Variants in AMMECR1 observed in about 807,000 individuals in gnomAD.
The protein encoded by AMMECR1 is nuclear protein AMMECR1.
In AMMECR1, 3 loss-of-function variants were observed where a neutral mutation model predicts 22.5. That is an observed-to-expected ratio of 0.13 (90% confidence interval 0.06 to 0.35). The LOEUF (loss-of-function observed/expected upper bound fraction) is 0.35. AMMECR1 is among the 10% of genes least tolerant of loss of function. AMMECR1 has a pLI of 1.00. For missense variants in AMMECR1, 235 were observed against 278.7 expected (o/e 0.84, Z 1.12); for synonymous variants, 130 against 116.7 (o/e 1.11, Z -0.74).
rs751906427 is a variant in AMMECR1 at position 110,310,374 on chromosome X, G to GT, written c.473+7224dup. ...TACTTCTGCCAAGCAACCAGAATTT[G>GT]TTTTTTTTTTTCCTGCAGTGCCTCT... On this transcript the variant is annotated intron_variant, in intron 1 of 5. Coordinates refer to ENST00000262844, the MANE Select transcript of AMMECR1 (RefSeq NM_015365.3). Among the ~76,000 whole-genome samples the GT allele has an allele frequency of 6.9e-3, 722 of 104,067 alleles. 4 individuals carry two copies. The highest frequency in any genetic ancestry group is 0.02 in the Middle Eastern group (4 of 201). 90.4% of individuals were successfully genotyped at this position (104,067 alleles called of 115,157 possible).
chrX:110,254,687 G>A (rs2067702025), intron 2 of AMMECR1, among the ~76,000 whole-genome samples: 1 of 111,722 alleles, frequency 9.0e-6, no homozygotes, highest in South Asian at 3.8e-4. Flanking sequence ...CATGAATTTA[G>A]GTTGACAGTC....
chrX:110,304,950 G>C (rs1286726784), intron 1 of AMMECR1, among the ~76,000 whole-genome samples: 1 of 112,127 alleles, frequency 8.9e-6, no homozygotes, highest in Non-Finnish European at 1.9e-5. Context: ...ATCCTATTTT[G>C]TCTGTAAAGC....
intron 2 of AMMECR1, among the ~76,000 whole-genome samples, chrX:110,357,996 A>G (rs1306622650): frequency 1.8e-5 from 2 of 111,759 alleles, no homozygotes; most frequent in African/African-American, 6.5e-5. Context: ...CATGAGGAGT[A>G]TCATTTCTAG....
At chrX:110,408,511 C>G (rs182078629) in intron 2 of AMMECR1, among the ~76,000 whole-genome samples, 4 of 112,472 alleles carry the variant, frequency 3.6e-5, no homozygotes, top group East Asian at 2.8e-4. Flanking sequence ...TTCTAATTAT[C>G]TAAACTTTTA....
chrX:110,438,054 CT>C (rs1285508490), intron 1 of AMMECR1, among the ~76,000 whole-genome samples: 1 of 111,760 alleles, frequency 8.9e-6, no homozygotes, highest in African/African-American at 3.3e-5. Flanking sequence ...AGAATAGAAT[CT>C]TCCCTTTCTG....
intron 2 of AMMECR1, among the ~76,000 whole-genome samples, chrX:110,256,642 A>G (rs2067712642): frequency 1.8e-5 from 2 of 111,371 alleles, no homozygotes; most frequent in African/African-American, 6.5e-5. Context: ...CGATGCAATA[A>G]GTGTTTAGCA....
chrX:110,371,107 A>AT (rs1207072995), intron 2 of AMMECR1, among the ~76,000 whole-genome samples: 1 of 111,473 alleles, frequency 9.0e-6, no homozygotes, highest in Admixed American at 9.5e-5. Context: ...AAAATAGACT[A>AT]TTTTTTAGAG....
intron 2 of AMMECR1, among the ~76,000 whole-genome samples, chrX:110,384,347 T>C (rs976909610): frequency 1.8e-5 from 2 of 111,151 alleles, no homozygotes; most frequent in Non-Finnish European, 3.8e-5. Context: ...AATTGTTGTA[T>C]GATCTCAATC....
chrX:110,208,720 T>C (rs767223308), intron 3 of AMMECR1, among the ~76,000 whole-genome samples: 22 of 111,935 alleles, frequency 2.0e-4, no homozygotes, highest in Non-Finnish European at 3.8e-4. Flanking sequence ...AAGAGGTGCT[T>C]TGAAAAACTC....
At chrX:110,338,691 G>A (rs2068150209) in intron 2 of AMMECR1, among the ~76,000 whole-genome samples, 1 of 111,850 alleles carries the variant, frequency 8.9e-6, no homozygotes, top group South Asian at 3.8e-4. Flanking sequence ...GGCAGGGGAG[G>A]TAAATCCACT....
At chrX:110,291,688 A>G (rs1393984115) in intron 1 of AMMECR1, among the ~76,000 whole-genome samples, 2 of 111,844 alleles carry the variant, frequency 1.8e-5, no homozygotes, top group Non-Finnish European at 3.8e-5. Context: ...ATGACAGTCC[A>G]TTATCCTGCA....
chrX:110,426,567 G>A (rs1350449131), intron 2 of AMMECR1: 2 of 112,177 alleles, frequency 1.8e-5, no homozygotes. Flanking sequence ...TTACCTATGC[G>A]TGAGACATGG....
intron 2 of AMMECR1, among the ~76,000 whole-genome samples, chrX:110,409,950 G>A (rs1350572838): frequency 8.9e-6 from 1 of 112,125 alleles, no homozygotes; most frequent in Non-Finnish European, 1.9e-5. Context: ...CAGGAATGCT[G>A]TTGAAATACA....
At chrX:110,344,693 C>T (rs1454574116) in intron 2 of AMMECR1, among the ~76,000 whole-genome samples, 5 of 111,454 alleles carry the variant, frequency 4.5e-5, no homozygotes, top group African/African-American at 1.6e-4. Context: ...AGGATATGAA[C>T]AGACACTTCT....
At chrX:110,339,136 C>T (rs970931908) in intron 2 of AMMECR1, among the ~76,000 whole-genome samples, 1 of 111,124 alleles carries the variant, frequency 9.0e-6, no homozygotes, top group Non-Finnish European at 1.9e-5. Flanking sequence ...TCGTGACAAG[C>T]GCGTGCAAGT....
chrX:110,347,501 T>A (rs997073041), intron 2 of AMMECR1, among the ~76,000 whole-genome samples: 1 of 113,012 alleles, frequency 8.8e-6, no homozygotes, highest in Non-Finnish European at 1.9e-5. Flanking sequence ...GCTAATTCTG[T>A]AATGTATTCT....
intron 2 of AMMECR1, chrX:110,358,985 G>A: frequency 8.9e-6 from 1 of 111,899 alleles, no homozygotes; most frequent in South Asian, 3.8e-4. Context: ...GCACTGGTCT[G>A]CACTGCTCTA....
At chrX:110,311,662 C>G (rs935383925) in intron 1 of AMMECR1, among the ~76,000 whole-genome samples, 3 of 112,212 alleles carry the variant, frequency 2.7e-5, no homozygotes, top group African/African-American at 9.7e-5. Flanking sequence ...TTGGACTGAA[C>G]ATAAAACATG....
chrX:110,261,806 A>G (rs1243314945), intron 2 of AMMECR1, among the ~76,000 whole-genome samples: 1 of 111,693 alleles, frequency 9.0e-6, no homozygotes, highest in East Asian at 2.8e-4. Flanking sequence ...AAAGCTGCAA[A>G]ACATAAATAA....
Sources: allele counts gnomAD v4.1 joint callset (sites outside exome capture counted in the v4.1 genomes callset), GRCh38; gene constraint gnomAD v4.1.1; transcripts MANE v1.5; gene names NCBI Gene and HGNC (gene_info 2026-07-23, HGNC 2026-07-21).